NSUN6: variants seen among roughly 807,000 people sequenced by gnomAD.
The protein encoded by NSUN6 is NOP2/Sun RNA methyltransferase 6.
In NSUN6, 64 loss-of-function variants were observed where a neutral mutation model predicts 58.0. The ratio of observed to expected loss-of-function variants is 1.10; its 90% CI spans 0.90 to 1.36. The LOEUF is 1.36. Ranked by LOEUF, NSUN6 falls within the 40% of genes most tolerant of loss-of-function variation. The pLI is 0.00. For missense variants in NSUN6, 701 were observed against 550.1 expected (o/e 1.27, Z -2.74); for synonymous variants, 231 against 193.9 (o/e 1.19, Z -1.59).
At chr10:18,562,847 A>G (rs972854996) in intron 8 of NSUN6, among the ~76,000 whole-genome samples, 1 of 150,318 alleles carries the variant, frequency 6.7e-6, no homozygotes, top group Non-Finnish European at 1.5e-5. Flanking sequence ...GGAGCGTGGA[A>G]TGGAGATTCT....
At chr10:18,627,559 G>T (rs533948860) in intron 3 of NSUN6, among the ~76,000 whole-genome samples, 16 of 152,310 alleles carry the variant, frequency 1.1e-4, no homozygotes, top group Middle Eastern at 3.4e-3. Flanking sequence ...TGCGCGCACC[G>T]TGCCCGAGCC....
intron 8 of NSUN6, among the ~76,000 whole-genome samples, chr10:18,557,987 G>C (rs2055174699): frequency 6.6e-6 from 1 of 150,604 alleles, no homozygotes; most frequent in African/African-American, 2.4e-5. Context: ...AGAATAGAAT[G>C]CAACTGAATG....
chr10:18,632,565 A>T (rs2059070383), intron 3 of NSUN6, among the ~76,000 whole-genome samples: 3 of 151,354 alleles, frequency 2.0e-5, no homozygotes, highest in African/African-American at 4.9e-5. Flanking sequence ...ACAAGAAAAA[A>T]ACAAACAACC....
intron 8 of NSUN6, among the ~76,000 whole-genome samples, chr10:18,562,686 A>G (rs1010060086): frequency 1.3e-5 from 2 of 149,394 alleles, no homozygotes; most frequent in African/African-American, 4.9e-5. Context: ...AATGGAATGC[A>G]GAATAGAGAA....
At chr10:18,601,315 A>G (rs2057829859) in intron 6 of NSUN6, among the ~76,000 whole-genome samples, 1 of 152,146 alleles carries the variant, frequency 6.6e-6, no homozygotes, top group African/African-American at 2.4e-5. Context: ...CAAGCAAAAT[A>G]GAATTTTAGT....
upstream of NSUN6, chr10:18,654,635 C>A (rs2059757920): frequency 6.6e-6 from 1 of 152,346 alleles, no homozygotes; most frequent in Non-Finnish European, 1.5e-5. Context: ...GTAATCCCAA[C>A]ACTTTGGGAG....
chr10:18,546,191 G>C (rs201252880), intron 10 of NSUN6, 46 bp from the exon 11 acceptor site: 22 of 1,275,742 alleles, frequency 1.7e-5, no homozygotes, highest in Non-Finnish European at 2.3e-5. Flanking sequence ...CCTGTAATTA[G>C]CAAGTATGAC....
intron 5 of NSUN6, among the ~76,000 whole-genome samples, chr10:18,611,524 G>A (rs1274642179): frequency 1.3e-5 from 2 of 152,068 alleles, no homozygotes; most frequent in African/African-American, 4.8e-5. Context: ...CGGTTTTGTT[G>A]TTGGTTTTAT....
intron 3 of NSUN6, among the ~76,000 whole-genome samples, chr10:18,633,648 C>A (rs1418417697): frequency 6.6e-6 from 1 of 151,964 alleles, no homozygotes; most frequent in Non-Finnish European, 1.5e-5. Flanking sequence ...AAAAAAAAAT[C>A]AGAATCTAGG....
intron 8 of NSUN6, among the ~76,000 whole-genome samples, chr10:18,578,022 C>CAGA (rs1213357478): frequency 6.6e-6 from 1 of 152,214 alleles, no homozygotes; most frequent in Admixed American, 6.5e-5. Flanking sequence ...TACCCTTCTA[C>CAGA]AGAAGTAAAT....
intron 3 of NSUN6, among the ~76,000 whole-genome samples, chr10:18,628,071 A>G (rs946904729): frequency 3.3e-5 from 5 of 152,178 alleles, no homozygotes; most frequent in African/African-American, 1.2e-4. Context: ...GAGAACGGGC[A>G]GACTGCCTCA....
intron 8 of NSUN6, among the ~76,000 whole-genome samples, chr10:18,558,259 A>G (rs540011670): frequency 1.3e-5 from 2 of 150,756 alleles, no homozygotes; most frequent in African/African-American, 4.9e-5. Context: ...GCAATAGAGA[A>G]TGGAAGGGAA....
At chr10:18,650,696 GAA>G (rs1160686084) in intron 1 of NSUN6, among the ~76,000 whole-genome samples, 2 of 151,948 alleles carry the variant, frequency 1.3e-5, no homozygotes, top group African/African-American at 4.8e-5. Flanking sequence ...AAACCTCTAA[GAA>G]AAAAAAGATT....
In NSUN6 at chr10:18,577,046, T is replaced by C. The variant is rs116366425; in HGVS notation, c.922+8903A>G. The stretch of plus-strand genomic sequence containing the variant: ...GGATTTGAGTCAATATTTTGGTAGG[T>C]GACAATAAAAATGTAGATTGGATAC... On this transcript the variant is annotated intron_variant, in intron 8 of 10. Coordinates refer to ENST00000377304, the MANE Select transcript of NSUN6 (RefSeq NM_182543.5). 8.5e-3 allele frequency among the ~76,000 whole-genome samples: 1,287 copies of C among 152,234 alleles called. 14 individuals are homozygous for C. Among genetic ancestry groups the C allele is most frequent in the South Asian group, 0.034 (162 of 4,826 alleles).
chr10:18,560,700 T>G (rs951369905), intron 8 of NSUN6, among the ~76,000 whole-genome samples: 2 of 141,578 alleles, frequency 1.4e-5, no homozygotes, highest in Admixed American at 1.4e-4. Context: ...GAATGTGGAA[T>G]GGAATGCAAT....
At chr10:18,576,545 C>A (rs925087989) in intron 8 of NSUN6, among the ~76,000 whole-genome samples, 2 of 152,182 alleles carry the variant, frequency 1.3e-5, no homozygotes, top group African/African-American at 2.4e-5. Flanking sequence ...ATTCTACAGC[C>A]TGGGGTAACA....
At chr10:18,571,397 C>CATTCCATTCCATTCTCT (rs1383627533) in intron 8 of NSUN6, among the ~76,000 whole-genome samples, 26 of 150,862 alleles carry the variant, frequency 1.7e-4, no homozygotes, top group African/African-American at 6.3e-4. Flanking sequence ...TTCCATTCTA[C>CATTCCATTCCATTCTCT]ATTCCATTCC....
Position 18,556,626 on chromosome 10 carries a change from TGGAATGGAGAAC to T in NSUN6, c.923-4667_923-4656del, listed in dbSNP as rs1166612079. ...AATAGACAATGGAATGGAATGGACA[TGGAATGGAGAAC>T]GGAATGGAGAATGGAGTGGGGAATG... On this transcript the variant is annotated intron_variant, in intron 8 of 10. Transcript: ENST00000377304. Among the ~76,000 whole-genome samples, 303 of 146,524 alleles carry T rather than the reference TGGAATGGAGAAC, an allele frequency of 2.1e-3. 1 individual carries two copies. The highest frequency in any genetic ancestry group is 7.2e-3 in the African/African-American group (284 of 39,656).
chr10:18,591,078 A>T (rs2131162661), intron 7 of NSUN6, among the ~76,000 whole-genome samples: 1 of 152,340 alleles, frequency 6.6e-6, no homozygotes, highest in East Asian at 1.9e-4. Context: ...CCAAAGAAAT[A>T]CAAACTGCCA....
Sources: gnomAD v4.1 joint callset for allele counts (sites outside exome capture counted in the v4.1 genomes callset) on GRCh38, gnomAD v4.1.1 for gene constraint, MANE v1.5 for transcripts, NCBI Gene and HGNC (gene_info 2026-07-23, HGNC 2026-07-21) for gene names.